Variants in KCNH7 observed in about 807,000 individuals in gnomAD.
The protein encoded by KCNH7 is voltage-gated inwardly rectifying potassium channel KCNH7.
In KCNH7, 49 loss-of-function variants were observed where a neutral mutation model predicts 120.8. The ratio of observed to expected loss-of-function variants is 0.41; its 90% CI spans 0.32 to 0.51. KCNH7 has a LOEUF of 0.51. Among genes scored for constraint, KCNH7 ranks in the 20% least tolerant of loss-of-function variants. The pLI is 0.38. For missense variants in KCNH7, 1,097 were observed against 1,446.6 expected (o/e 0.76, Z 3.92); for synonymous variants, 547 against 516.1 (o/e 1.06, Z -0.81).
In KCNH7 at chr2:162,836,787, T is replaced by G; in HGVS notation, c.77-20A>C. 1 of 1,554,432 alleles carries G rather than the reference T, an allele frequency of 6.4e-7. No individual in the cohort carries two copies. The highest frequency in any genetic ancestry group is 8.9e-7 in the Non-Finnish European group (1 of 1,127,674). Reference sequence around the variant, plus strand: ...TTTTATCTGTAATAAGAAGACAGTATGGCATCTTTGAAAAAGCTTCCACAA... The same window carrying G: ...TTTTATCTGTAATAAGAAGACAGTAGGGCATCTTTGAAAAAGCTTCCACAA... On this transcript the variant is annotated intron_variant, in intron 1 of 15. Transcript: ENST00000332142.
chr2:162,639,313 C>A lies in KCNH7; in HGVS notation c.308-102233G>T, dbSNP rs534136467. 2.4e-4 allele frequency among the ~76,000 whole-genome samples: 37 copies of A among 152,212 alleles called. 1 individual carries two copies. The South Asian group carries it at 7.5e-3, about 31-fold the overall frequency. Reference sequence around the variant, plus strand: ...CTCACAGTTGTGTGAGATAGGTAGGCACTTTTATTATCAATTCTTTAAAAA... The same window carrying A: ...CTCACAGTTGTGTGAGATAGGTAGGAACTTTTATTATCAATTCTTTAAAAA... On this transcript the variant is annotated intron_variant, in intron 2 of 15. Coordinates refer to ENST00000332142, the MANE Select transcript of KCNH7 (RefSeq NM_033272.4).
intron 2 of KCNH7, among the ~76,000 whole-genome samples, chr2:162,549,081 G>T (rs2105852853): frequency 6.6e-6 from 1 of 152,242 alleles, no homozygotes; most frequent in African/African-American, 2.4e-5. Context: ...TGTAGCTACA[G>T]TTACCTCCCT....
chr2:162,456,280 A>G (rs1252252856), intron 6 of KCNH7, among the ~76,000 whole-genome samples: 3 of 152,050 alleles, frequency 2.0e-5, no homozygotes, highest in Non-Finnish European at 4.4e-5. Flanking sequence ...TTCTAATTTG[A>G]TTGGACTGTG....
intron 2 of KCNH7, among the ~76,000 whole-genome samples, chr2:162,661,981 A>G (rs563835545): frequency 1.3e-5 from 2 of 152,220 alleles, no homozygotes; most frequent in South Asian, 4.1e-4. Flanking sequence ...AAAGAAAATT[A>G]AGCTGGGCGC....
intron 2 of KCNH7, among the ~76,000 whole-genome samples, chr2:162,716,875 GTA>G (rs1256169886): frequency 5.9e-5 from 9 of 152,196 alleles, no homozygotes; most frequent in African/African-American, 1.9e-4. Context: ...CAGCCATGAT[GTA>G]TATTATTTTC....
At chr2:162,374,433 G>A (rs1686088055) in intron 14 of KCNH7, among the ~76,000 whole-genome samples, 1 of 152,082 alleles carries the variant, frequency 6.6e-6, no homozygotes, top group Non-Finnish European at 1.5e-5. Flanking sequence ...CCCCTCCTTT[G>A]CATGTGTTAA....
chr2:162,599,138 G>C (rs776078247), intron 2 of KCNH7, among the ~76,000 whole-genome samples: 8 of 151,958 alleles, frequency 5.3e-5, no homozygotes, highest in Non-Finnish European at 1.2e-4. Flanking sequence ...CCAGGAAGTG[G>C]AGGTTGCAGT....
chr2:162,736,401 C>T (rs1687911766), intron 2 of KCNH7, among the ~76,000 whole-genome samples: 2 of 152,300 alleles, frequency 1.3e-5, no homozygotes, highest in East Asian at 1.9e-4. Context: ...GATGTTGATG[C>T]CTTTGTGATT....
intron 12 of KCNH7, among the ~76,000 whole-genome samples, chr2:162,391,373 A>T (rs1686741539): frequency 6.6e-6 from 1 of 152,088 alleles, no homozygotes; most frequent in African/African-American, 2.4e-5. Context: ...GATTTGGATG[A>T]CAGGGACTAA....
At chr2:162,619,749 G>T (rs965693988) in intron 2 of KCNH7, among the ~76,000 whole-genome samples, 9 of 151,978 alleles carry the variant, frequency 5.9e-5, no homozygotes, top group African/African-American at 1.9e-4. Context: ...GATCCTGCAG[G>T]TTGCTCCATA....
intron 6 of KCNH7, among the ~76,000 whole-genome samples, chr2:162,461,010 T>C (rs902527026): frequency 2.0e-5 from 3 of 152,192 alleles, no homozygotes; most frequent in Non-Finnish European, 4.4e-5. Flanking sequence ...AAAATGCTTT[T>C]AATAAAGTCC....
At chr2:162,388,168 A>G (rs989669305) in intron 12 of KCNH7, among the ~76,000 whole-genome samples, 1 of 151,896 alleles carries the variant, frequency 6.6e-6, no homozygotes, top group Admixed American at 6.6e-5. Flanking sequence ...ACTTTTTTAT[A>G]CAAATACAAA....
chr2:162,446,203 T>C lies in KCNH7; in HGVS notation c.1369A>G (p.Ile457Val). 1 of 1,613,688 alleles carries C rather than the reference T, an allele frequency of 6.2e-7. No individual in the cohort carries two copies. The highest frequency in any genetic ancestry group is 8.5e-7 in the Non-Finnish European group (1 of 1,179,684). The change falls in exon 7 of 16, where the codon ATT (isoleucine) becomes GTT (valine). Residue 457 changes from isoleucine (I) to valine (V), a missense_variant. Around this residue, in one of 8 missense-constraint regions of KCNH7, gnomAD observed 109 missense variants for 196.8 expected, o/e 0.55. Coordinates refer to ENST00000332142, the MANE Select transcript of KCNH7 (RefSeq NM_033272.4). ...SCSPLNVVDL[I>V]VDIMFIIDIL... Reference sequence around the variant, plus strand: ...TCTATGATAAACATAATATCCACAATCAAGTCTACCACATTCAAAGGGCTA... The same window carrying C: ...TCTATGATAAACATAATATCCACAACCAAGTCTACCACATTCAAAGGGCTA...
At chr2:162,776,194 A>T (rs1683229698) in intron 2 of KCNH7, among the ~76,000 whole-genome samples, 1 of 152,178 alleles carries the variant, frequency 6.6e-6, no homozygotes, top group African/African-American at 2.4e-5. Context: ...TGCTAGGAAT[A>T]TAAATGATCC....
At chr2:162,492,781 A>C (rs1489421103) in intron 6 of KCNH7, among the ~76,000 whole-genome samples, 1 of 151,462 alleles carries the variant, frequency 6.6e-6, no homozygotes, top group African/African-American at 2.4e-5. Context: ...GATTTCCTTA[A>C]AGTGTACTCA....
At chr2:162,377,855 T>G (rs1482335003) in intron 14 of KCNH7, among the ~76,000 whole-genome samples, 1 of 152,194 alleles carries the variant, frequency 6.6e-6, no homozygotes, top group Non-Finnish European at 1.5e-5. Flanking sequence ...TGGAAAAGTT[T>G]TATATAGTAA....
At chr2:162,469,917 C>G (rs909276275) in intron 6 of KCNH7, among the ~76,000 whole-genome samples, 1 of 152,210 alleles carries the variant, frequency 6.6e-6, no homozygotes, top group South Asian at 2.1e-4. Flanking sequence ...CTGTCTTGGC[C>G]GGGCTGGTCT....
rs112418092 is a variant in KCNH7, at chr2:162,789,994, T to G, written c.307+46543A>C. ...TTAACAGAAAAAAATCAAACTATAT[T>G]AGAACAGAGATAAAATAAAGACTAG... On this transcript the variant is annotated intron_variant, in intron 2 of 15. Transcript: ENST00000332142. 5.0e-3 allele frequency among the ~76,000 whole-genome samples: 758 copies of G among 151,168 alleles called. 7 individuals carry two copies. Among genetic ancestry groups the G allele is most frequent in the African/African-American group, 0.017 (716 of 41,278 alleles).
intron 2 of KCNH7, chr2:162,798,000 A>C (rs1003490160): frequency 1.1e-4 from 17 of 152,138 alleles, no homozygotes; most frequent in African/African-American, 4.1e-4. Flanking sequence ...GATAAAATTA[A>C]GAAAAATGTG....
Sources: gnomAD v4.1 joint callset for allele counts (sites outside exome capture counted in the v4.1 genomes callset) on GRCh38, gnomAD v4.1.1 for gene constraint, gnomAD v4.1.1 regional missense constraint, MANE v1.5 for transcripts, NCBI Gene and HGNC (gene_info 2026-07-23, HGNC 2026-07-21) for gene names.